Variants in ANKRD17 observed in about 807,000 individuals in gnomAD.
The protein encoded by ANKRD17 is ankyrin repeat domain 17, also known as ankyrin repeat domain-containing protein 17.
In ANKRD17, 19 loss-of-function variants were observed where a neutral mutation model predicts 229.7. That is an observed-to-expected ratio of 0.08 (90% confidence interval 0.06 to 0.12). The LOEUF (loss-of-function observed/expected upper bound fraction) is 0.12, where lower values mean the gene tolerates loss of function less well. Among genes scored for constraint, ANKRD17 ranks in the 10% least tolerant of loss-of-function variants. ANKRD17 has a pLI of 1.00. For missense variants in ANKRD17, 2,176 were observed against 3,176.8 expected (o/e 0.68, Z 7.57); for synonymous variants, 1,112 against 1,146.1 (o/e 0.97, Z 0.60).
intron 1 of ANKRD17, among the ~76,000 whole-genome samples, chr4:73,229,796 C>T (rs1578471624): frequency 6.6e-6 from 1 of 152,144 alleles, no homozygotes; most frequent in Non-Finnish European, 1.5e-5. Flanking sequence ...TGAAAAGATG[C>T]TTCTGCCAGA....
intron 8 of ANKRD17, among the ~76,000 whole-genome samples, chr4:73,147,858 A>ATTG (rs1267972610): frequency 5.9e-5 from 9 of 152,144 alleles, no homozygotes; most frequent in African/African-American, 2.2e-4. Context: ...TATTATTATT[A>ATTG]TTATTAGTTC....
chr4:73,090,166 T>C (rs569299511), intron 29 of ANKRD17, among the ~76,000 whole-genome samples: 31 of 152,244 alleles, frequency 2.0e-4, no homozygotes, highest in African/African-American at 5.8e-4. Flanking sequence ...TCCTAGCACT[T>C]TGGGAGGCCA....
intron 1 of ANKRD17, among the ~76,000 whole-genome samples, chr4:73,183,771 GT>G (rs973883742): frequency 3.3e-5 from 5 of 151,588 alleles, no homozygotes; most frequent in African/African-American, 4.8e-5. Context: ...GGTCTATAGA[GT>G]TTTTTTTTAT....
At chr4:73,246,848 C>G (rs986844384) in intron 1 of ANKRD17, among the ~76,000 whole-genome samples, 11 of 152,002 alleles carry the variant, frequency 7.2e-5, no homozygotes, top group Admixed American at 6.6e-4. Flanking sequence ...GAAACAGACA[C>G]AAGAATTAAA....
At chr4:73,120,545 A>AC (rs1376150704) in intron 20 of ANKRD17, among the ~76,000 whole-genome samples, 1 of 151,050 alleles carries the variant, frequency 6.6e-6, no homozygotes, top group East Asian at 1.9e-4. Flanking sequence ...GTATTGCAAA[A>AC]AAAAAAAAAA....
intron 1 of ANKRD17, among the ~76,000 whole-genome samples, chr4:73,248,806 A>T (rs1469990194): frequency 6.6e-6 from 1 of 152,012 alleles, no homozygotes; most frequent in Non-Finnish European, 1.5e-5. Context: ...AGATTAGACA[A>T]TGAAAACAGC....
chr4:73,146,737 T>C (rs1026899810), intron 10 of ANKRD17, 27 bp downstream of exon 10: 12 of 1,480,658 alleles, frequency 8.1e-6, no homozygotes, highest in Admixed American at 3.6e-5. Flanking sequence ...TGTTAAATAT[T>C]AAGATTTAAA....
intron 1 of ANKRD17, among the ~76,000 whole-genome samples, chr4:73,191,104 A>C (rs1422053256): frequency 1.3e-5 from 2 of 152,116 alleles, no homozygotes; most frequent in Admixed American, 1.3e-4. Context: ...AGAATTGCCA[A>C]AAAAATTTGT....
At chr4:73,136,897 TAA>T (rs1169165818) in intron 15 of ANKRD17, among the ~76,000 whole-genome samples, 1 of 151,860 alleles carries the variant, frequency 6.6e-6, no homozygotes, top group Non-Finnish European at 1.5e-5. Flanking sequence ...AAAAAAAATC[TAA>T]GTTTTATTGT....
chr4:73,179,503 T>TAC (rs1249038884), intron 1 of ANKRD17, among the ~76,000 whole-genome samples: 43 of 79,672 alleles, frequency 5.4e-4, no homozygotes, highest in Non-Finnish European at 9.6e-4. Flanking sequence ...TATATATATA[T>TAC]ATATATATAT....
At chr4:73,238,532 C>G (rs1370650437) in intron 1 of ANKRD17, among the ~76,000 whole-genome samples, 3 of 152,090 alleles carry the variant, frequency 2.0e-5, no homozygotes, top group Admixed American at 6.5e-5. Context: ...TGAAATAAAA[C>G]AGAGCAGTAT....
intron 1 of ANKRD17, among the ~76,000 whole-genome samples, chr4:73,230,534 A>G (rs1031207287): frequency 6.6e-6 from 1 of 152,196 alleles, no homozygotes; most frequent in Admixed American, 6.5e-5. Flanking sequence ...TCTAGAACAC[A>G]ATCCTGATTC....
At chr4:73,129,700 A>G (rs1196276413) in intron 16 of ANKRD17, among the ~76,000 whole-genome samples, 2 of 151,844 alleles carry the variant, frequency 1.3e-5, no homozygotes, top group Non-Finnish European at 2.9e-5. Context: ...CTGGCTGACA[A>G]GAGTGAGACC....
intron 1 of ANKRD17, among the ~76,000 whole-genome samples, chr4:73,209,010 A>G (rs538723027): frequency 1.1e-4 from 16 of 152,296 alleles, no homozygotes; most frequent in African/African-American, 3.6e-4. Flanking sequence ...GTTCGAAACC[A>G]GCATGGTCAA....
intron 1 of ANKRD17, among the ~76,000 whole-genome samples, chr4:73,205,241 C>T (rs756247227): frequency 6.6e-5 from 10 of 152,134 alleles, no homozygotes; most frequent in Non-Finnish European, 1.3e-4. Flanking sequence ...GTGAGAGGAT[C>T]GCTTGTGCCC....
rs558348274 is a variant in ANKRD17 at position 73,146,651 on chromosome 4, T to TA, written c.1869+112dup. On this transcript the variant is annotated intron_variant, in intron 10 of 33. Transcript: ENST00000358602. ...AGAAAGAATGGCAAAAAAATAAAAA[T>TA]AAAAAAAACAATAAAACTGAAGGTA... The TA allele has an allele frequency of 1.3e-3, 1,022 of 806,890 alleles. 15 individuals carry two copies. The South Asian group carries it at 0.016, about 12-fold the overall frequency. The allele number at this position is 806,890 out of a possible 1,614,324, so 50.0% of individuals were successfully genotyped here.
Position 73,177,448 on chromosome 4 carries a change from T to A in ANKRD17, c.479A>T (p.Asp160Val), listed in dbSNP as rs1207616539. 1 of 1,613,706 alleles carries A rather than the reference T, an allele frequency of 6.2e-7. No homozygotes were observed. The highest frequency in any genetic ancestry group is 1.3e-5 in the African/African-American group (1 of 74,914). ...ASKLLLSGTA[D>V]GADLRTVDPE... ...ATCTACTGTCCTGAGGTCTGCACCA[T>A]CAGCAGTACCTGATAAGAGCAACTT... The change falls in exon 2 of 34, where the codon GAT becomes GTT. Residue 160 changes from aspartate to valine, a missense_variant. Asp to Val is a radical substitution (Grantham distance 152). Transcript: ENST00000358602.
intron 19 of ANKRD17, 23 bp from the exon 20 acceptor site, chr4:73,121,117 A>G (rs1726664393): frequency 6.4e-7 from 1 of 1,564,502 alleles, no homozygotes; most frequent in Non-Finnish European, 8.8e-7. Flanking sequence ...GTATGGGGAA[A>G]ACAAATGGAA....
Position 73,157,698 on chromosome 4 carries a change from T to C in ANKRD17, c.705-1532A>G, listed in dbSNP as rs116003592. Among the ~76,000 whole-genome samples, 467 of 152,336 alleles carry C rather than the reference T, an allele frequency of 3.1e-3. 1 individual carries two copies. Among genetic ancestry groups the C allele is most frequent in the Non-Finnish European group, 5.0e-3 (340 of 68,028 alleles). ...AAGACCAACATCTTTGTCTCAGATA[T>C]GGCAAAGCCTCCTAACCAGTCTCCT... On this transcript the variant is annotated intron_variant, in intron 3 of 33. Coordinates refer to ENST00000358602, the MANE Select transcript of ANKRD17 (RefSeq NM_032217.5).
Sources: gnomAD v4.1 joint callset for allele counts (sites outside exome capture counted in the v4.1 genomes callset) on GRCh38, gnomAD v4.1.1 for gene constraint, MANE v1.5 for transcripts, NCBI Gene and HGNC (gene_info 2026-07-23, HGNC 2026-07-21) for gene names.